CPA6: variants seen among roughly 807,000 people sequenced by gnomAD.
CPA6 encodes the protein carboxypeptidase B.
Under a neutral mutation model 63.3 loss-of-function variants are expected in CPA6, and 58 were observed. The ratio of observed to expected loss-of-function variants is 0.92; its 90% CI spans 0.74 to 1.14. The LOEUF (loss-of-function observed/expected upper bound fraction) is 1.14. Ranked by LOEUF, CPA6 falls within the 50% of genes most tolerant of loss-of-function variation. The pLI is 0.00. For missense variants in CPA6, 565 were observed against 526.6 expected (o/e 1.07, Z -0.71); for synonymous variants, 185 against 179.0 (o/e 1.03, Z -0.27).
At chr8:67,699,963 G>A (rs1816990538) in intron 1 of CPA6, among the ~76,000 whole-genome samples, 1 of 152,168 alleles carries the variant, frequency 6.6e-6, no homozygotes, top group African/African-American at 2.4e-5. Context: ...GTAAAATTCT[G>A]TATGCATTTC....
chr8:67,741,174 T>C (rs1817906065), intron 1 of CPA6, among the ~76,000 whole-genome samples: 1 of 152,116 alleles, frequency 6.6e-6, no homozygotes, highest in South Asian at 2.1e-4. Flanking sequence ...AATGCAGGGC[T>C]GTCATGAGAA....
intron 4 of CPA6, among the ~76,000 whole-genome samples, chr8:67,510,696 A>T (rs1234367231): frequency 6.6e-6 from 1 of 152,182 alleles, no homozygotes; most frequent in Admixed American, 6.5e-5. Flanking sequence ...CAGAGGAAGC[A>T]TGGAAAATGT....
chr8:67,660,177 TCACTA>T (rs1470594597), intron 1 of CPA6, among the ~76,000 whole-genome samples: 2 of 152,184 alleles, frequency 1.3e-5, no homozygotes, highest in African/African-American at 2.4e-5. Flanking sequence ...TAAGTCTGAT[TCACTA>T]TGGCAGCATA....
At chr8:67,534,463 C>A (rs996296640) in intron 2 of CPA6, among the ~76,000 whole-genome samples, 1 of 152,144 alleles carries the variant, frequency 6.6e-6, no homozygotes, top group South Asian at 2.1e-4. Context: ...ATATACAGTT[C>A]TTTTCCTGAT....
At chr8:67,478,725 T>C (rs1277568138) in intron 8 of CPA6, among the ~76,000 whole-genome samples, 1 of 152,204 alleles carries the variant, frequency 6.6e-6, no homozygotes, top group Non-Finnish European at 1.5e-5. Flanking sequence ...CCACAAATCC[T>C]TATGTTGGGG....
chr8:67,653,117 A>G (rs1248555236), intron 1 of CPA6, among the ~76,000 whole-genome samples: 2 of 152,022 alleles, frequency 1.3e-5, no homozygotes, highest in African/African-American at 4.8e-5. Flanking sequence ...TTTTGGTACC[A>G]GTACCATGCT....
chr8:67,637,624 A>G (rs1028999494), intron 1 of CPA6, among the ~76,000 whole-genome samples: 1 of 151,556 alleles, frequency 6.6e-6, no homozygotes, highest in Non-Finnish European at 1.5e-5. Context: ...GAAAGGAGTT[A>G]CAAAGCATAG....
intron 6 of CPA6, among the ~76,000 whole-genome samples, chr8:67,498,550 A>G (rs1811769450): frequency 1.5e-5 from 2 of 133,266 alleles, no homozygotes; most frequent in Non-Finnish European, 3.0e-5. Flanking sequence ...AAAAAAAAAA[A>G]AAAAAAAAAA....
chr8:67,588,425 AT>A (rs1814007736), intron 2 of CPA6, among the ~76,000 whole-genome samples: 2 of 152,054 alleles, frequency 1.3e-5, no homozygotes, highest in Admixed American at 1.3e-4. Context: ...AAGGGGTTTT[AT>A]GTTTTTGCAT....
At chr8:67,632,160 G>C (rs931602921) in intron 1 of CPA6, among the ~76,000 whole-genome samples, 7 of 149,994 alleles carry the variant, frequency 4.7e-5, no homozygotes, top group Admixed American at 1.3e-4. Context: ...GTGTGTGTGT[G>C]TGTGTGTGTG....
At chr8:67,582,914 G>A (rs910961602) in intron 2 of CPA6, among the ~76,000 whole-genome samples, 1 of 152,110 alleles carries the variant, frequency 6.6e-6, no homozygotes, top group Non-Finnish European at 1.5e-5. Context: ...TTGAATTTTG[G>A]TGGGGTTTTG....
chr8:67,506,586 C>T (rs1283946538), intron 6 of CPA6, among the ~76,000 whole-genome samples: 2 of 152,174 alleles, frequency 1.3e-5, no homozygotes, highest in African/African-American at 2.4e-5. Context: ...CCAATTCCCA[C>T]TTCCAAGGGC....
intron 1 of CPA6, among the ~76,000 whole-genome samples, chr8:67,716,499 C>T (rs1436039187): frequency 1.3e-5 from 2 of 151,892 alleles, no homozygotes; most frequent in South Asian, 2.1e-4. Context: ...AATTTACATG[C>T]GAGAGGAAGG....
intron 2 of CPA6, among the ~76,000 whole-genome samples, chr8:67,519,376 C>T (rs1316557646): frequency 6.6e-6 from 1 of 152,246 alleles, no homozygotes; most frequent in East Asian, 1.9e-4. Flanking sequence ...CCTCTTCCTG[C>T]ATCTCCAGTC....
intron 1 of CPA6, among the ~76,000 whole-genome samples, chr8:67,689,976 T>C (rs1382264905): frequency 2.0e-5 from 3 of 152,198 alleles, no homozygotes; most frequent in Non-Finnish European, 4.4e-5. Context: ...TTCTGACTGA[T>C]GTGAGATGGT....
intron 1 of CPA6, among the ~76,000 whole-genome samples, chr8:67,626,297 C>T (rs1815192374): frequency 6.6e-6 from 1 of 152,166 alleles, no homozygotes; most frequent in African/African-American, 2.4e-5. Flanking sequence ...TACTTCTGGA[C>T]TTGCTGGGCA....
chr8:67,589,660 A>C (rs1403714392), intron 2 of CPA6, among the ~76,000 whole-genome samples: 2 of 152,174 alleles, frequency 1.3e-5, no homozygotes, highest in South Asian at 4.1e-4. Flanking sequence ...CATCCTTGCT[A>C]TAAATAATCA....
At chr8:67,654,290 T>A (rs1468388316) in intron 1 of CPA6, among the ~76,000 whole-genome samples, 1 of 152,238 alleles carries the variant, frequency 6.6e-6, no homozygotes. Context: ...CCTCTTTTTC[T>A]ATTGATTGGA....
chr8:67,585,476 G>T (rs1813903348), intron 2 of CPA6, among the ~76,000 whole-genome samples: 1 of 151,868 alleles, frequency 6.6e-6, no homozygotes, highest in Non-Finnish European at 1.5e-5. Context: ...AGTTGAGAAA[G>T]CCATGTTGTT....
Sources: allele counts gnomAD v4.1 joint callset (sites outside exome capture counted in the v4.1 genomes callset), GRCh38; gene constraint gnomAD v4.1.1; transcripts MANE v1.5; gene names NCBI Gene and HGNC (gene_info 2026-07-23, HGNC 2026-07-21).